SCAND3: variants seen among roughly 807,000 people sequenced by gnomAD.
The protein encoded by SCAND3 is SCAN domain containing 3.
chr6:28,608,155 A>G, the SCAND3 span, among the ~76,000 whole-genome samples: 1 of 152,230 alleles, frequency 6.6e-6, no homozygotes, highest in East Asian at 1.9e-4. Flanking sequence ...CTCTCCGATA[A>G]GTTAAAGATA....
chr6:28,607,229 C>T, the SCAND3 span, among the ~76,000 whole-genome samples: 1 of 152,184 alleles, frequency 6.6e-6, no homozygotes, highest in African/African-American at 2.4e-5. Context: ...GCACCTCCAC[C>T]AGTTTTGGGA....
chr6:28,586,056 T>C, the SCAND3 span, among the ~76,000 whole-genome samples: 1 of 152,240 alleles, frequency 6.6e-6, no homozygotes, highest in South Asian at 2.1e-4. The surrounding 1 kb of genome is among the most constrained non-coding windows in gnomAD (Gnocchi z 4.4). Context: ...ACATAAAATA[T>C]ATTTTCTACT....
chr6:28,600,899 CTTTTTTT>C, the SCAND3 span, among the ~76,000 whole-genome samples: 1 of 119,670 alleles, frequency 8.4e-6, no homozygotes, highest in Non-Finnish European at 1.7e-5. Context: ...CAACATGTGC[CTTTTTTT>C]TTTTTTTTTT....
chr6:28,610,548 GGGAA>G, the SCAND3 span, among the ~76,000 whole-genome samples: 8 of 151,876 alleles, frequency 5.3e-5, no homozygotes, highest in Non-Finnish European at 7.4e-5. Flanking sequence ...GAGAGATGGA[GGGAA>G]GGAAGGAAGG....
chr6:28,577,612 T>A, the SCAND3 span, among the ~76,000 whole-genome samples: 5 of 152,262 alleles, frequency 3.3e-5, no homozygotes, highest in Non-Finnish European at 7.4e-5. Flanking sequence ...TTAACATATA[T>A]CCCTAAGTTG....
chr6:28,573,336 A>G, the SCAND3 span: 1 of 1,614,094 alleles, frequency 6.2e-7, no homozygotes, highest in Non-Finnish European at 8.5e-7. Flanking sequence ...TTTCCAAGCA[A>G]ACTTCTTTGA....
At chr6:28,584,035 C>T in the SCAND3 span, among the ~76,000 whole-genome samples, 3 of 152,164 alleles carry the variant, frequency 2.0e-5, no homozygotes, top group African/African-American at 7.2e-5. Flanking sequence ...TATCACACCC[C>T]GTGCAAACAG....
At chr6:28,598,747 C>T in the SCAND3 span, among the ~76,000 whole-genome samples, 1 of 149,216 alleles carries the variant, frequency 6.7e-6, no homozygotes, top group Non-Finnish European at 1.5e-5. Flanking sequence ...TGCGGCGGCG[C>T]GCACTTGTAA....
the SCAND3 span, among the ~76,000 whole-genome samples, chr6:28,605,575 T>C: frequency 6.6e-6 from 1 of 151,732 alleles, no homozygotes. Flanking sequence ...GGCTCATGCC[T>C]GTAATCCCAG....
At chr6:28,605,128 C>G in the SCAND3 span, among the ~76,000 whole-genome samples, 1 of 152,136 alleles carries the variant, frequency 6.6e-6, no homozygotes, top group Admixed American at 6.5e-5. Flanking sequence ...AGGTTAAACC[C>G]ACTCCTCTGT....
the SCAND3 span, chr6:28,589,404 T>G: frequency 6.6e-6 from 1 of 152,090 alleles, no homozygotes; most frequent in African/African-American, 2.4e-5. Flanking sequence ...TGGTTAGCAC[T>G]CTGGACTTTG....
At chr6:28,598,587 A>C in the SCAND3 span, among the ~76,000 whole-genome samples, 2 of 152,010 alleles carry the variant, frequency 1.3e-5, no homozygotes, top group Admixed American at 1.3e-4. Context: ...TTGAATGAGG[A>C]CAGTTGTTAT....
At chr6:28,595,054 CCTGGGAACATCGAAGATAGAAA>C in the SCAND3 span, among the ~76,000 whole-genome samples, 3 of 151,284 alleles carry the variant, frequency 2.0e-5, no homozygotes, top group Admixed American at 1.3e-4. Context: ...GAAATGTGTA[CCTGGGAACATCGAAGATAGAAA>C]CTGGCCAGAA....
the SCAND3 span, among the ~76,000 whole-genome samples, chr6:28,599,673 C>T: frequency 1.3e-5 from 2 of 152,192 alleles, no homozygotes; most frequent in African/African-American, 4.8e-5. Flanking sequence ...ATTGTGAGGC[C>T]TCCCCAGCTA....
the SCAND3 span, chr6:28,573,668 A>C: frequency 6.2e-7 from 1 of 1,611,862 alleles, no homozygotes; most frequent in Non-Finnish European, 8.5e-7. Context: ...AACTCAATAT[A>C]TGAAGGATCA....
chr6:28,576,030 C>G, the SCAND3 span: 4 of 1,613,758 alleles, frequency 2.5e-6, no homozygotes, highest in Admixed American at 6.7e-5. Flanking sequence ...TTCTGAAGAA[C>G]TTTTCTCTCA....
At chr6:28,615,600 CAAAA>C in the SCAND3 span, among the ~76,000 whole-genome samples, 6 of 115,672 alleles carry the variant, frequency 5.2e-5, no homozygotes, top group Non-Finnish European at 3.7e-5. Context: ...GACTCCATCT[CAAAA>C]AAAAAAAAAA....
the SCAND3 span, among the ~76,000 whole-genome samples, chr6:28,614,882 G>A: frequency 3.2e-4 from 49 of 152,268 alleles, no homozygotes; most frequent in South Asian, 6.6e-3. Flanking sequence ...CCAGTGGCCA[G>A]TAATGCTCAG....
the SCAND3 span, chr6:28,573,504 AAAGAATTCTT>A: frequency 6.2e-7 from 1 of 1,613,868 alleles, no homozygotes; most frequent in South Asian, 1.1e-5. Flanking sequence ...TCTTTCTTTC[AAAGAATTCTT>A]TTGGTTGTGA....
Sources: allele counts gnomAD v4.1 joint callset (sites outside exome capture counted in the v4.1 genomes callset), GRCh38; gene constraint gnomAD v4.1.1; non-coding constraint Gnocchi (gnomAD v3.1); transcripts MANE v1.5; gene names NCBI Gene and HGNC (gene_info 2026-07-23, HGNC 2026-07-21).